GORASP2: variants seen among roughly 807,000 people sequenced by gnomAD.
The protein encoded by GORASP2 is golgi reassembly stacking protein 2, also known as Golgi reassembly-stacking protein 2.
A neutral mutation model predicts 45.7 loss-of-function variants in GORASP2; 22 were observed. The observed-to-expected ratio is 0.48, with a 90% confidence interval of 0.34 to 0.69. GORASP2 has a LOEUF of 0.69. Ranked by LOEUF, GORASP2 falls within the 30% of genes least tolerant of loss-of-function variation. The probability of loss-of-function intolerance (pLI) is 0.01; values close to 1 mark genes in which losing one functional copy is unlikely to be tolerated. For missense variants in GORASP2, 491 were observed against 562.7 expected, an observed-to-expected ratio of 0.87 and a Z score of 1.29; for synonymous variants, 221 against 215.6, an observed-to-expected ratio of 1.02 and a Z score of -0.22.
chr2:170,959,821 C>CTTTTTTTTTTTTTT (rs35210942), intron 7 of GORASP2, among the ~76,000 whole-genome samples: 1 of 124,550 alleles, frequency 8.0e-6, no homozygotes, highest in Non-Finnish European at 1.6e-5. Flanking sequence ...TCACCTTTTT[C>CTTTTTTTTTTTTTT]TTTTTTTTTT....
At chr2:170,936,847 C>T (rs35123411) in intron 1 of GORASP2, 1 of 304,702 alleles carries the variant, frequency 3.3e-6, no homozygotes, top group East Asian at 8.1e-5. Flanking sequence ...TATCCTCACA[C>T]CACTGCACTC....
rs865865275 is a variant in GORASP2 at position 170,953,131 on chromosome 2, G to A, written c.567-1519G>A. On this transcript the variant is annotated intron_variant, in intron 5 of 9. Coordinates refer to ENST00000234160, the MANE Select transcript of GORASP2 (RefSeq NM_015530.5). Reference sequence around the variant, plus strand: ...ACCGCTTTGGGAGGCTGAGGCGGGTGGATCACTTGAACTCAGGAGTTCAGT... The same window carrying A: ...ACCGCTTTGGGAGGCTGAGGCGGGTAGATCACTTGAACTCAGGAGTTCAGT... Among the ~76,000 whole-genome samples the A allele has an allele frequency of 2.0e-5, 3 of 152,246 alleles. No homozygotes were observed. The Middle Eastern group carries it at 0.01, about 518-fold the overall frequency.
chr2:170,956,252 T>G (rs373537648), intron 6 of GORASP2, among the ~76,000 whole-genome samples, 184 bp from the exon 7 acceptor site: 13 of 152,164 alleles, frequency 8.5e-5, no homozygotes, highest in Non-Finnish European at 1.8e-4. Context: ...ATGCTTACAG[T>G]GCATGGTCCG....
At chr2:170,939,604 T>C (rs1704028547) in intron 1 of GORASP2, among the ~76,000 whole-genome samples, 1 of 152,238 alleles carries the variant, frequency 6.6e-6, no homozygotes, top group Admixed American at 6.5e-5. Context: ...TGTTAATCTC[T>C]TACTATGCCT....
chr2:170,950,826 A>G (rs1220086740), intron 4 of GORASP2, among the ~76,000 whole-genome samples: 2 of 152,110 alleles, frequency 1.3e-5, no homozygotes, highest in Admixed American at 1.3e-4. Context: ...TACAACAAAT[A>G]CAAAAATTAG....
intron 9 of GORASP2, among the ~76,000 whole-genome samples, chr2:170,964,685 T>G (rs1042026559): frequency 3.3e-5 from 5 of 151,884 alleles, no homozygotes; most frequent in African/African-American, 1.2e-4. Flanking sequence ...GAAGTACTAG[T>G]AGTAGTCAAA....
intron 1 of GORASP2, among the ~76,000 whole-genome samples, chr2:170,940,369 A>G (rs2676157): frequency 0.033 from 4,945 of 152,044 alleles, 281 homozygotes; most frequent in African/African-American, 0.11. Context: ...CTGACACCCA[A>G]CTCCACCCAA....
chr2:170,942,977 A>G (rs1007305835), intron 1 of GORASP2, among the ~76,000 whole-genome samples: 1 of 152,188 alleles, frequency 6.6e-6, no homozygotes, highest in Non-Finnish European at 1.5e-5. Flanking sequence ...TTTCTTCTGG[A>G]TACAGATCCT....
chr2:170,949,381 A>T, intron 2 of GORASP2, 158 bp from the exon 3 acceptor site: 1 of 581,184 alleles, frequency 1.7e-6, no homozygotes, highest in South Asian at 2.3e-5. Context: ...TAATTTCTTG[A>T]CATTCTTTTA....
In GORASP2 at chr2:170,962,285, TA is replaced by T. The variant is rs540416447; in HGVS notation, c.910+541del. ...ATTGTGAGGGCTTTTAATGTATGGC[TA>T]AAAATGTCATTATCCAAGCATATTA... On this transcript the variant is annotated intron_variant, in intron 8 of 9. Transcript: ENST00000234160. 2.1e-3 allele frequency among the ~76,000 whole-genome samples: 317 copies of T among 152,350 alleles called. 1 individual carries two copies. The highest frequency in any genetic ancestry group is 4.9e-4 in the Non-Finnish European group (33 of 68,028).
intron 1 of GORASP2, among the ~76,000 whole-genome samples, chr2:170,933,775 G>T (rs1156403108): frequency 6.6e-6 from 1 of 152,222 alleles, no homozygotes; most frequent in Non-Finnish European, 1.5e-5. Context: ...ACTGTGTGGA[G>T]TGTGGAGACA....
intron 7 of GORASP2, among the ~76,000 whole-genome samples, chr2:170,957,521 C>T (rs1704456086): frequency 6.6e-6 from 1 of 152,074 alleles, no homozygotes; most frequent in Non-Finnish European, 1.5e-5. Flanking sequence ...GGTGATCTGC[C>T]CTCCTCGGCC....
intron 2 of GORASP2, 95 bp downstream of exon 2, chr2:170,948,525 A>G (rs1704227755): frequency 3.0e-6 from 2 of 675,908 alleles, no homozygotes; most frequent in African/African-American, 3.6e-5. Context: ...TATTAGTTAC[A>G]ATCATTATGT....
intron 7 of GORASP2, among the ~76,000 whole-genome samples, chr2:170,961,028 C>T (rs1235789475): frequency 6.6e-6 from 1 of 152,170 alleles, no homozygotes; most frequent in East Asian, 1.9e-4. Flanking sequence ...TAGGTGGTAT[C>T]CTGAGGCTTA....
intron 7 of GORASP2, among the ~76,000 whole-genome samples, chr2:170,959,821 C>CTTTTTTTTTTTTTTTTTTTTTTTTTTTT: frequency 8.0e-6 from 1 of 124,550 alleles, no homozygotes; most frequent in Non-Finnish European, 1.6e-5. Context: ...TCACCTTTTT[C>CTTTTTTTTTTTTTTTTTTTTTTTTTTTT]TTTTTTTTTT....
intron 1 of GORASP2, among the ~76,000 whole-genome samples, chr2:170,947,758 T>C (rs573502331): frequency 7.9e-5 from 12 of 152,106 alleles, no homozygotes; most frequent in Non-Finnish European, 1.8e-4. Flanking sequence ...GCTGAGAGGA[T>C]TAGCCCCTTT....
Position 170,965,935 on chromosome 2 carries a change from G to A in GORASP2, c.1164G>A (p.Pro388=), listed in dbSNP as rs374647579. The A allele has an allele frequency of 2.1e-5, 34 of 1,613,180 alleles. No individual in the cohort carries two copies. The highest frequency in any genetic ancestry group is 4.5e-5 in the East Asian group (2 of 44,842). Residue 388 remains proline (P), a synonymous_variant, in exon 10 of 10, where the codon CCG becomes CCA. Transcript: ENST00000234160. The stretch of plus-strand genomic sequence containing the variant: ...CAGGAGAGCTGCTGTCTTCCCTCCC[G>A]CCCACCAGCAACGCACCCTCCGACC... ...ASSGELLSSL[P]PTSNAPSDPA...
intron 1 of GORASP2, among the ~76,000 whole-genome samples, chr2:170,947,234 TAG>T (rs1704197213): frequency 6.6e-6 from 1 of 152,194 alleles, no homozygotes; most frequent in Non-Finnish European, 1.5e-5. Flanking sequence ...ATCCCTGGAT[TAG>T]AGGATTTCTG....
chr2:170,940,209 A>G (rs1180213894), intron 1 of GORASP2, among the ~76,000 whole-genome samples: 1 of 152,234 alleles, frequency 6.6e-6, no homozygotes, highest in Admixed American at 6.5e-5. Flanking sequence ...GTCTTTGTGT[A>G]TCACCTAGTG....
Sources: gnomAD v4.1 joint callset for allele counts (sites outside exome capture counted in the v4.1 genomes callset) on GRCh38, gnomAD v4.1.1 for gene constraint, MANE v1.5 for transcripts, NCBI Gene and HGNC (gene_info 2026-07-23, HGNC 2026-07-21) for gene names.